The following BBS9 variants were observed in gnomAD, a reference collection of about 807,000 sequenced individuals.
BBS9 encodes the protein Bardet-Biedl syndrome 9, also known as protein PTHB1.
Under a neutral mutation model 117.7 loss-of-function variants are expected in BBS9, and 89 were observed. The observed-to-expected ratio is 0.76, with a 90% confidence interval of 0.64 to 0.90. BBS9 has a LOEUF of 0.90. BBS9 is among the 40% of genes least tolerant of loss of function. The pLI is 0.00. For synonymous variants in BBS9, 379 were observed against 370.9 expected (o/e 1.02, Z -0.25); for missense variants, 982 against 1,042.2 (o/e 0.94, Z 0.80).
chr7:33,249,974 C>G (rs1795981997), intron 5 of BBS9, among the ~76,000 whole-genome samples: 1 of 152,164 alleles, frequency 6.6e-6, no homozygotes. Context: ...GTCATGAAAT[C>G]TTTCCTGGAA....
At chr7:33,191,932 A>G (rs998934288) in intron 5 of BBS9, among the ~76,000 whole-genome samples, 2 of 152,046 alleles carry the variant, frequency 1.3e-5, no homozygotes, top group Non-Finnish European at 2.9e-5. Context: ...AGGCATATTT[A>G]AAACATATGT....
chr7:33,171,997 C>G (rs1397312922), intron 4 of BBS9, among the ~76,000 whole-genome samples: 1 of 138,202 alleles, frequency 7.2e-6, no homozygotes, highest in Non-Finnish European at 1.6e-5. Flanking sequence ...CAACCCCTCC[C>G]CAAATAGCCA....
rs117175411 is a variant in BBS9, at chr7:33,327,864, A to G, written c.1017-8577A>G. Among the ~76,000 whole-genome samples the G allele has an allele frequency of 3.8e-4, 58 of 152,312 alleles. No homozygotes were observed. The East Asian group carries it at 0.01, about 27-fold the overall frequency. ...GGGAGGGGGAGTCAAGGATGGCTCTAAGGTTCTTTCTGGATGAGCAGCTTA... is the reference window on the plus strand; with the variant it reads ...GGGAGGGGGAGTCAAGGATGGCTCTGAGGTTCTTTCTGGATGAGCAGCTTA... On this transcript the variant is annotated intron_variant, in intron 9 of 22. Coordinates refer to ENST00000242067, the MANE Select transcript of BBS9 (RefSeq NM_198428.3).
intron 9 of BBS9, among the ~76,000 whole-genome samples, chr7:33,282,305 T>C (rs9791453): frequency 0.18 from 27,819 of 152,202 alleles, 3,101 homozygotes; most frequent in East Asian, 0.44. Context: ...TCAACCCTGA[T>C]ATTTTTCTCT....
chr7:33,526,649 C>T (rs1849551306), intron 20 of BBS9, among the ~76,000 whole-genome samples: 1 of 146,944 alleles, frequency 6.8e-6, no homozygotes, highest in African/African-American at 2.6e-5. Flanking sequence ...ATACATTCTT[C>T]TTAATTTTTT....
At chr7:33,319,288 T>G (rs1006125921) in intron 9 of BBS9, among the ~76,000 whole-genome samples, 1 of 152,200 alleles carries the variant, frequency 6.6e-6, no homozygotes, top group Admixed American at 6.5e-5. Context: ...CTTTATCCAC[T>G]CATTGATTGA....
chr7:33,204,019 G>A (rs1786429009), intron 5 of BBS9, among the ~76,000 whole-genome samples: 1 of 146,100 alleles, frequency 6.8e-6, no homozygotes, highest in Admixed American at 6.8e-5. Context: ...CACCACGCCC[G>A]GCCAGAACGA....
intron 20 of BBS9, among the ~76,000 whole-genome samples, chr7:33,515,994 G>A (rs947201458): frequency 6.6e-6 from 1 of 152,152 alleles, no homozygotes; most frequent in Non-Finnish European, 1.5e-5. Flanking sequence ...TAATTTAAAT[G>A]GTAATTAATT....
chr7:33,514,945 C>T (rs894647188), intron 20 of BBS9, among the ~76,000 whole-genome samples: 1 of 152,138 alleles, frequency 6.6e-6, no homozygotes, highest in African/African-American at 2.4e-5. Context: ...CACGAGGACA[C>T]TCTATATATA....
chr7:33,417,405 A>G (rs1023602802), intron 19 of BBS9, among the ~76,000 whole-genome samples: 1 of 152,334 alleles, frequency 6.6e-6, no homozygotes, highest in Middle Eastern at 3.4e-3. Context: ...TTAGAATTTC[A>G]TATTCCTAGA....
rs779425557 is a variant in BBS9 at position 33,310,956 on chromosome 7, T to G, written c.1017-25485T>G. On this transcript the variant is annotated intron_variant, in intron 9 of 22. Coordinates refer to ENST00000242067, the MANE Select transcript of BBS9 (RefSeq NM_198428.3). The stretch of plus-strand genomic sequence containing the variant: ...GTGGGAGAGACCAAGATTAAATATA[T>G]AATTGCTCAAATAAACATATCATTC... Among the ~76,000 whole-genome samples the G allele has an allele frequency of 3.0e-4, 45 of 152,214 alleles. 1 individual carries two copies. Among genetic ancestry groups the G allele is most frequent in the African/African-American group, 1.0e-3 (43 of 41,458 alleles).
intron 19 of BBS9, among the ~76,000 whole-genome samples, chr7:33,489,686 T>G (rs1843639650): frequency 6.6e-6 from 1 of 152,162 alleles, no homozygotes; most frequent in African/African-American, 2.4e-5. Context: ...CACTATTTTC[T>G]AAGGTGTTTT....
chr7:33,222,750 C>G (rs192735442), intron 5 of BBS9, among the ~76,000 whole-genome samples: 1 of 151,738 alleles, frequency 6.6e-6, no homozygotes, highest in East Asian at 1.9e-4. Context: ...GAGTTTGAGA[C>G]CAGCCTGCCA....
rs189422577 is a variant in BBS9, at chr7:33,552,147, T to A, written c.2521+17971T>A. Among the ~76,000 whole-genome samples the A allele has an allele frequency of 6.6e-5, 10 of 152,308 alleles. No homozygotes were observed. In the East Asian group the frequency reaches 1.5e-3, roughly 24 times the overall value. On this transcript the variant is annotated intron_variant, in intron 21 of 22. Coordinates refer to ENST00000242067, the MANE Select transcript of BBS9 (RefSeq NM_198428.3). The stretch of plus-strand genomic sequence containing the variant: ...TTGTTTTATCTTTATTTTGAGTTTT[T>A]TATTTTTATATTATATCATGAGCCA...
intron 21 of BBS9, among the ~76,000 whole-genome samples, chr7:33,586,519 A>G (rs1435135351): frequency 1.3e-5 from 2 of 152,138 alleles, no homozygotes; most frequent in Non-Finnish European, 2.9e-5. Flanking sequence ...TTGAACTACC[A>G]TGCAACCCAG....
At chr7:33,343,921 G>A (rs1348492787) in intron 11 of BBS9, among the ~76,000 whole-genome samples, 1 of 152,070 alleles carries the variant, frequency 6.6e-6, no homozygotes, top group Non-Finnish European at 1.5e-5. Flanking sequence ...GGACCTGAAA[G>A]AATGGCATAA....
chr7:33,566,891 A>G (rs1270556031), intron 21 of BBS9, among the ~76,000 whole-genome samples: 1 of 152,216 alleles, frequency 6.6e-6, no homozygotes, highest in Non-Finnish European at 1.5e-5. Context: ...TTTATGTTAA[A>G]AGTGTAAACA....
At chr7:33,331,534 G>T (rs1157715558) in intron 9 of BBS9, among the ~76,000 whole-genome samples, 3 of 151,916 alleles carry the variant, frequency 2.0e-5, no homozygotes, top group Non-Finnish European at 4.4e-5. Context: ...CATCCAAAAA[G>T]CTCTTAGATC....
chr7:33,573,329 C>T (rs1027452943), intron 21 of BBS9, among the ~76,000 whole-genome samples: 1 of 151,970 alleles, frequency 6.6e-6, no homozygotes, highest in African/African-American at 2.4e-5. Flanking sequence ...GAAAAACGTA[C>T]GAAGAAGTAA....
Sources: gnomAD v4.1 joint callset for allele counts (sites outside exome capture counted in the v4.1 genomes callset) on GRCh38, gnomAD v4.1.1 for gene constraint, MANE v1.5 for transcripts, NCBI Gene and HGNC (gene_info 2026-07-23, HGNC 2026-07-21) for gene names.